Variants in RUNX1T1 observed in about 807,000 individuals in gnomAD.
RUNX1T1 encodes protein CBFA2T1.
Under a neutral mutation model 62.8 loss-of-function variants are expected in RUNX1T1, and 4 were observed. That is an observed-to-expected ratio of 0.06 (90% confidence interval 0.03 to 0.15). The LOEUF (loss-of-function observed/expected upper bound fraction) is 0.15. Among genes scored for constraint, RUNX1T1 ranks in the 10% least tolerant of loss-of-function variants. The pLI is 1.00. For missense variants in RUNX1T1, 508 were observed against 754.3 expected (o/e 0.67, Z 3.82); for synonymous variants, 291 against 286.0 (o/e 1.02, Z -0.18).
At chr8:92,076,166 T>C in intron 1 of RUNX1T1, 29 bp from the exon 2 acceptor site, 1 of 1,478,128 alleles carries the variant, frequency 6.8e-7, no homozygotes, top group South Asian at 1.4e-5. Flanking sequence ...GGAAAAAAAA[T>C]GCATATATCA....
Position 92,045,406 on chromosome 8 carries a change from C to CA in RUNX1T1, c.7+17139_7+17140insT, listed in dbSNP as rs1275441941. Among the ~76,000 whole-genome samples the CA allele has an allele frequency of 1.1e-4, 16 of 152,254 alleles. 1 individual carries two copies. Among genetic ancestry groups the CA allele is most frequent in the Admixed American group, 9.8e-4 (15 of 15,300 alleles). On this transcript the variant is annotated intron_variant, in intron 1 of 10. Coordinates refer to ENST00000396218, the Ensembl canonical transcript of RUNX1T1. ...CCAACTGTAGGCAAGATGGATCCTACTATTGTAAGAGTCTCCAATTCAACC... is the reference window on the plus strand; with the variant it reads ...CCAACTGTAGGCAAGATGGATCCTACATATTGTAAGAGTCTCCAATTCAACC...
intron 2 of RUNX1T1, chr8:92,071,285 T>C (rs866914615): frequency 6.6e-6 from 1 of 152,096 alleles, no homozygotes; most frequent in Non-Finnish European, 1.5e-5. Flanking sequence ...AACCGCCTCA[T>C]AAAAGCAATC....
At chr8:92,103,010 G>T, upstream of RUNX1T1, 1 of 1,012,680 alleles carries the variant, frequency 9.9e-7, no homozygotes, top group Non-Finnish European at 1.3e-6. Flanking sequence ...TCGCCCACGC[G>T]CGCTCGCCAC....
At chr8:92,068,249 C>T (rs1833163880) in intron 2 of RUNX1T1, among the ~76,000 whole-genome samples, 1 of 152,136 alleles carries the variant, frequency 6.6e-6, no homozygotes, top group South Asian at 2.1e-4. Context: ...TGGAAGACAT[C>T]CTAACTACCC....
At chr8:91,996,895 G>A (rs866931134) in intron 5 of RUNX1T1, among the ~76,000 whole-genome samples, 5 of 151,738 alleles carry the variant, frequency 3.3e-5, no homozygotes, top group East Asian at 1.9e-4. Context: ...GGTGAGGTAG[G>A]TGGATCACTT....
intron 1 of RUNX1T1, among the ~76,000 whole-genome samples, chr8:92,027,726 A>C (rs1015591266): frequency 3.3e-5 from 5 of 152,154 alleles, no homozygotes; most frequent in African/African-American, 1.2e-4. Context: ...TGACTGCAGC[A>C]CATCCCTATG....
chr8:92,056,006 C>T (rs1400611992), intron 1 of RUNX1T1, among the ~76,000 whole-genome samples: 1 of 152,144 alleles, frequency 6.6e-6, no homozygotes, highest in East Asian at 1.9e-4. Flanking sequence ...TTCTTCCTTC[C>T]AGTCTTATCC....
intron 3 of RUNX1T1, among the ~76,000 whole-genome samples, chr8:92,014,029 T>A (rs961509318): frequency 1.3e-5 from 2 of 152,116 alleles, no homozygotes; most frequent in African/African-American, 4.8e-5. Context: ...TGATGAACTG[T>A]ATGTATATTT....
chr8:92,020,793 G>A (rs773158323), intron 1 of RUNX1T1, among the ~76,000 whole-genome samples: 5 of 150,492 alleles, frequency 3.3e-5, no homozygotes, highest in Non-Finnish European at 7.4e-5. Flanking sequence ...TTCAGTGTCA[G>A]GGCCTTCTAG....
At chr8:92,080,871 A>G (rs760406722) in intron 1 of RUNX1T1, among the ~76,000 whole-genome samples, 6 of 152,272 alleles carry the variant, frequency 3.9e-5, no homozygotes, top group Non-Finnish European at 7.3e-5. Context: ...TAAGTAACAA[A>G]TTAATCAGAA....
At chr8:92,095,806 C>T (rs547534766) in intron 1 of RUNX1T1, among the ~76,000 whole-genome samples, 1 of 152,216 alleles carries the variant, frequency 6.6e-6, no homozygotes, top group East Asian at 2.0e-4. Flanking sequence ...AAATCTGCCC[C>T]TACCACCCAA....
intron 3 of RUNX1T1, among the ~76,000 whole-genome samples, chr8:92,011,465 C>A (rs181348340): frequency 1.1e-3 from 168 of 152,264 alleles, no homozygotes; most frequent in African/African-American, 3.7e-3. Context: ...CTTAAAGGAC[C>A]GAGGGCAAGT....
intron 1 of RUNX1T1, among the ~76,000 whole-genome samples, chr8:92,082,476 C>T (rs1190333293): frequency 6.6e-6 from 1 of 152,082 alleles, no homozygotes; most frequent in Non-Finnish European, 1.5e-5. Context: ...AATTAGCTCA[C>T]TCACAAGTCG....
chr8:91,982,918 CTTTTTTTTT>C (rs56135737), intron 8 of RUNX1T1, among the ~76,000 whole-genome samples: 2 of 59,634 alleles, frequency 3.4e-5, no homozygotes, highest in Admixed American at 2.8e-4. Context: ...TAGGAAAATA[CTTTTTTTTT>C]TTTTTTTTTT....
In RUNX1T1 at chr8:91,979,797, A is replaced by C. The variant is rs1172972615; in HGVS notation, c.1199-3824T>G. On this transcript the variant is annotated intron_variant, in intron 8 of 10. Transcript: ENST00000396218. ...CTTACGACAGGATGGAGACCATTGG[A>C]TACTAGATACTGCAAGGGCCGCCAT... The C allele has an allele frequency of 5.7e-6, 3 of 529,724 alleles. No homozygotes were observed. In the Admixed American group the frequency reaches 6.8e-5, roughly 12 times the overall value. 32.8% of individuals were successfully genotyped at this position (529,724 alleles called of 1,614,324 possible). A position where few individuals can be genotyped will look rare whatever the true frequency, so the allele number is the denominator to read the frequency against.
intron 5 of RUNX1T1, 91 bp from the exon 7 acceptor site, chr8:91,991,980 G>C: frequency 7.2e-7 from 1 of 1,395,844 alleles, no homozygotes; most frequent in Non-Finnish European, 9.9e-7. Context: ...AATAAAAACA[G>C]AATATTTTTT....
intron 4 of RUNX1T1, chr8:92,006,707 A>T (rs1377502300): frequency 3.4e-5 from 5 of 148,416 alleles, no homozygotes; most frequent in Non-Finnish European, 7.4e-5. Context: ...ACAGGTGCAG[A>T]GTGTGGAGGT....
At chr8:92,040,156 A>T (rs996799734) in intron 1 of RUNX1T1, among the ~76,000 whole-genome samples, 6 of 152,208 alleles carry the variant, frequency 3.9e-5, no homozygotes, top group African/African-American at 1.4e-4. Flanking sequence ...TACCTTGACT[A>T]CAACAAGCTT....
At chr8:92,033,544 G>A (rs1274501945) in intron 1 of RUNX1T1, among the ~76,000 whole-genome samples, 2 of 152,130 alleles carry the variant, frequency 1.3e-5, no homozygotes, top group Admixed American at 6.5e-5. Flanking sequence ...CGGCACTTTC[G>A]GACGGTGAGG....
Sources: gnomAD v4.1 joint callset for allele counts (sites outside exome capture counted in the v4.1 genomes callset) on GRCh38, gnomAD v4.1.1 for gene constraint, MANE v1.5 for transcripts, NCBI Gene and HGNC (gene_info 2026-07-23, HGNC 2026-07-21) for gene names.